The following KDM4C variants were observed in gnomAD, a reference collection of about 807,000 sequenced individuals.
The protein encoded by KDM4C is lysine demethylase 4C, also known as lysine-specific demethylase 4C.
Under a neutral mutation model 129.3 loss-of-function variants are expected in KDM4C, and 81 were observed. That is an observed-to-expected ratio of 0.63 (90% CI 0.52 to 0.75). KDM4C has a LOEUF of 0.75. Ranked by LOEUF, KDM4C falls within the 30% of genes least tolerant of loss-of-function variation. KDM4C has a pLI of 0.00. For missense variants in KDM4C, 1,457 were observed against 1,304.0 expected, an observed-to-expected ratio of 1.12 and a Z score of -1.81; for synonymous variants, 573 against 456.1, an observed-to-expected ratio of 1.26 and a Z score of -3.26.
chr9:6,863,247 A>T (rs1019559651), intron 5 of KDM4C, among the ~76,000 whole-genome samples: 3 of 151,610 alleles, frequency 2.0e-5, no homozygotes, highest in African/African-American at 7.3e-5. Flanking sequence ...AGGTTGCTGT[A>T]GTTATTGTTT....
chr9:6,820,588 G>C (rs1832850200), intron 4 of KDM4C, among the ~76,000 whole-genome samples: 1 of 152,044 alleles, frequency 6.6e-6, no homozygotes, highest in African/African-American at 2.4e-5. Flanking sequence ...TCATCCAGCT[G>C]GGATATAGCA....
chr9:6,769,149 G>T (rs1423752199), intron 1 of KDM4C, among the ~76,000 whole-genome samples: 1 of 151,420 alleles, frequency 6.6e-6, no homozygotes, highest in African/African-American at 2.4e-5. Context: ...TTCTTGGGTC[G>T]TTTTTAAGTT....
At chr9:6,938,444 T>TG (rs1392536096) in intron 8 of KDM4C, among the ~76,000 whole-genome samples, 4 of 152,180 alleles carry the variant, frequency 2.6e-5, no homozygotes, top group African/African-American at 9.7e-5. Context: ...GTCCAAACTC[T>TG]GGAATAGTAG....
At chr9:6,837,738 T>C (rs768136550) in intron 4 of KDM4C, among the ~76,000 whole-genome samples, 67 of 152,252 alleles carry the variant, frequency 4.4e-4, no homozygotes, top group Non-Finnish European at 8.8e-4. Flanking sequence ...ATCCCAGTTA[T>C]ATTTGTTGAA....
At chr9:6,984,666 GT>G (rs36081903) in intron 10 of KDM4C, among the ~76,000 whole-genome samples, 47,926 of 147,634 alleles carry the variant, frequency 0.32, 7,882 homozygotes, top group Middle Eastern at 0.48. Context: ...TCTAAAATGA[GT>G]TTTTTTTTTT....
chr9:6,757,547 A>G, upstream of KDM4C: 1 of 831,224 alleles, frequency 1.2e-6, no homozygotes, highest in Non-Finnish European at 1.5e-6. Flanking sequence ...TCATCGCCGG[A>G]GAGCTGCGAG....
chr9:6,765,078 C>T (rs1012089546), intron 1 of KDM4C, among the ~76,000 whole-genome samples: 1 of 152,186 alleles, frequency 6.6e-6, no homozygotes, highest in Non-Finnish European at 1.5e-5. Flanking sequence ...CTACCATTCA[C>T]TCCCATCCTC....
At chr9:6,780,539 G>C (rs1424308969) in intron 1 of KDM4C, among the ~76,000 whole-genome samples, 1 of 151,804 alleles carries the variant, frequency 6.6e-6, no homozygotes, top group African/African-American at 2.4e-5. Flanking sequence ...AGCCAAGGCA[G>C]GCAGATCTCT....
At chr9:6,902,585 GA>G (rs1817593738) in intron 8 of KDM4C, 1 of 152,118 alleles carries the variant, frequency 6.6e-6, no homozygotes, top group South Asian at 2.1e-4. Flanking sequence ...GGTGATGGGA[GA>G]ACTCGCCTGG....
chr9:6,875,009 G>T (rs1393854104), intron 5 of KDM4C, among the ~76,000 whole-genome samples: 1 of 151,746 alleles, frequency 6.6e-6, no homozygotes, highest in Non-Finnish European at 1.5e-5. Flanking sequence ...GTAGACGTTT[G>T]ATTGAGGATG....
intron 8 of KDM4C, among the ~76,000 whole-genome samples, chr9:6,917,316 CTG>C (rs1820498106): frequency 6.6e-6 from 1 of 152,214 alleles, no homozygotes; most frequent in African/African-American, 2.4e-5. Flanking sequence ...ACTACCCAAA[CTG>C]TAGCATGCAC....
At chr9:7,094,103 C>A (rs1464866126) in intron 17 of KDM4C, among the ~76,000 whole-genome samples, 2 of 152,200 alleles carry the variant, frequency 1.3e-5, no homozygotes, top group East Asian at 3.8e-4. Flanking sequence ...TCCAGTGAAG[C>A]AACTAAGCTT....
At position 7,004,141 on chromosome 9, in the gene KDM4C, C is replaced by G. The variant is rs114639529; in HGVS notation, c.1787-7557C>G. On this transcript the variant is annotated intron_variant, in intron 12 of 21. Coordinates refer to ENST00000381309, the MANE Select transcript of KDM4C (RefSeq NM_015061.6). ...TAGTGGAGCTGATAGCTTTTCTCAT[C>G]TGCTGAGTTCCATCCACAAGTCCTG... 7.2e-3 allele frequency among the ~76,000 whole-genome samples: 1,096 copies of G among 152,330 alleles called. 15 individuals carry two copies. Among genetic ancestry groups the G allele is most frequent in the African/African-American group, 0.025 (1,034 of 41,572 alleles).
intron 8 of KDM4C, among the ~76,000 whole-genome samples, chr9:6,905,055 G>T (rs1355232645): frequency 6.6e-6 from 1 of 152,244 alleles, no homozygotes; most frequent in Non-Finnish European, 1.5e-5. Flanking sequence ...CATTGTTGCA[G>T]AGAGCAGATG....
At chr9:7,026,579 G>C (rs1825855349) in intron 15 of KDM4C, among the ~76,000 whole-genome samples, 1 of 152,018 alleles carries the variant, frequency 6.6e-6, no homozygotes, top group African/African-American at 2.4e-5. Context: ...CTTTGGGTTA[G>C]ATCTGCTTGG....
chr9:6,768,865 C>T (rs1038322293), intron 1 of KDM4C, among the ~76,000 whole-genome samples: 14 of 152,026 alleles, frequency 9.2e-5, no homozygotes, highest in South Asian at 2.1e-4. Context: ...CTCCACCTCC[C>T]GGGTTCAAGT....
chr9:6,728,388 G>C lies in KDM4C; in HGVS notation c.49+7391G>C, dbSNP rs532098330. Among the ~76,000 whole-genome samples the C allele has an allele frequency of 2.0e-5, 3 of 151,582 alleles. No homozygotes were observed. The Admixed American group carries it at 2.0e-4, about 10-fold the overall frequency. On this transcript the variant is annotated intron_variant, in intron 1 of 17. Transcript: ENST00000536108. Reference sequence around the variant, plus strand: ...GTCTTTACTAAAAGTACAAAAATTAGCTGGGCACAGTGGAACGCGCCTGAA... The same window carrying C: ...GTCTTTACTAAAAGTACAAAAATTACCTGGGCACAGTGGAACGCGCCTGAA...
chr9:6,928,210 C>T (rs1822990737), intron 8 of KDM4C, among the ~76,000 whole-genome samples: 1 of 152,200 alleles, frequency 6.6e-6, no homozygotes, highest in African/African-American at 2.4e-5. Flanking sequence ...TAACACTATA[C>T]TCACCTTGTT....
chr9:7,052,905 G>GATTGTTGTA lies in KDM4C; in HGVS notation c.2424+3705_2424+3706insATTGTTGTA, dbSNP rs1219828589. Among the ~76,000 whole-genome samples the GATTGTTGTA allele has an allele frequency of 3.7e-4, 55 of 149,320 alleles. 1 individual carries two copies. The highest frequency in any genetic ancestry group is 1.0e-3 in the African/African-American group (40 of 39,520). Reference sequence around the variant, plus strand: ...AGAGAGAGAGAGAGAGAGAGAGCGAGCGAGTGCCCAAGGGATGACAATAGA... The same window carrying GATTGTTGTA: ...AGAGAGAGAGAGAGAGAGAGAGCGAGATTGTTGTACGAGTGCCCAAGGGATGACAATAGA... On this transcript the variant is annotated intron_variant, in intron 17 of 21. Coordinates refer to ENST00000381309, the MANE Select transcript of KDM4C (RefSeq NM_015061.6).
Sources: allele counts gnomAD v4.1 joint callset (sites outside exome capture counted in the v4.1 genomes callset), GRCh38; gene constraint gnomAD v4.1.1; transcripts MANE v1.5; gene names NCBI Gene and HGNC (gene_info 2026-07-23, HGNC 2026-07-21).